DMXL1: variants seen among roughly 807,000 people sequenced by gnomAD.
DMXL1 encodes the protein dmX-like protein 1.
DMXL1 carries 99 observed loss-of-function variants against 319.2 expected under a neutral mutation model. The ratio of observed to expected loss-of-function variants is 0.31; its 90% CI spans 0.26 to 0.37. The LOEUF (loss-of-function observed/expected upper bound fraction) is 0.37, where lower values mean the gene tolerates loss of function less well. DMXL1 is among the 10% of genes least tolerant of loss of function. The pLI is 1.00. For synonymous variants in DMXL1, 1,385 were observed against 1,235.2 expected (o/e 1.12, Z -2.54); for missense variants, 3,745 against 3,595.6 (o/e 1.04, Z -1.06).
At position 119,129,377 on chromosome 5, in the gene DMXL1, G is replaced by A. The variant is rs1764303280; in HGVS notation, c.1269G>A (p.Glu423=). ...AAAGTTTTGAACAACCATCTTCTGA[G>A]GCCAGTGTAGAAGATTCTAATCAGG... is the stretch of plus-strand genomic sequence containing the variant. ...LRKSFEQPSS[E]ASVEDSNQAD... Residue 423 remains glutamate, a synonymous_variant, in exon 10 of 44, where the codon GAG becomes GAA. Coordinates refer to ENST00000539542, the MANE Select transcript of DMXL1 (RefSeq NM_001290321.3). The A allele has an allele frequency of 3.1e-6, 5 of 1,613,506 alleles. No individual in the cohort carries two copies. The highest frequency in any genetic ancestry group is 1.3e-5 in the African/African-American group (1 of 74,864).
chr5:119,197,656 T>C (rs918391230), intron 31 of DMXL1, 99 bp from the exon 32 acceptor site: 6 of 1,053,310 alleles, frequency 5.7e-6, no homozygotes, highest in Non-Finnish European at 8.4e-6. Context: ...TTTTTTTTTT[T>C]CCTGCATCTG....
At chr5:119,115,020 CTG>C (rs1341734984) in intron 6 of DMXL1, among the ~76,000 whole-genome samples, 1 of 152,142 alleles carries the variant, frequency 6.6e-6, no homozygotes, top group Non-Finnish European at 1.5e-5. Context: ...TGTTAAAAGA[CTG>C]TGTGATATAA....
chr5:119,152,701 A>C (rs1046178716), intron 19 of DMXL1, among the ~76,000 whole-genome samples: 1 of 152,200 alleles, frequency 6.6e-6, no homozygotes, highest in African/African-American at 2.4e-5. Context: ...GAGAAATCTC[A>C]CTTAAGTTCA....
intron 13 of DMXL1, 69 bp downstream of exon 13, chr5:119,134,458 G>C: frequency 7.6e-7 from 1 of 1,321,692 alleles, no homozygotes; most frequent in Non-Finnish European, 1.0e-6. Context: ...TATTTATTGG[G>C]CATGTTCTAC....
At position 119,133,770 on chromosome 5, in the gene DMXL1, G is replaced by T. The variant is rs79689806; in HGVS notation, c.1846G>T (p.Ala616Ser). Residue 616 changes from alanine to serine, a missense_variant, in exon 12 of 44, where the codon GCC (alanine) becomes TCC (serine). Around this residue, in one of 4 missense-constraint regions of DMXL1, gnomAD observed 2,096 missense variants for 1,985.4 expected, o/e 1.06. Coordinates refer to ENST00000539542, the MANE Select transcript of DMXL1 (RefSeq NM_001290321.3). ...TCTGAATCAGTGGCTGGTCAGTTTT[G>T]CCGAGGAATCTGCTTTTTCTACTGT... Reference protein sequence around the residue: ...GSLNQWLVSFAEESAFSTVLS... With the variant: ...GSLNQWLVSFSEESAFSTVLS... 10 of 1,614,124 alleles carry T rather than the reference G, an allele frequency of 6.2e-6. No homozygotes were observed. The highest frequency in any genetic ancestry group is 6.8e-6 in the Non-Finnish European group (8 of 1,180,034).
chr5:119,103,096 T>TTA (rs944907814), intron 3 of DMXL1, among the ~76,000 whole-genome samples: 2 of 149,376 alleles, frequency 1.3e-5, no homozygotes. Flanking sequence ...TTTTTTTTTT[T>TTA]AAAAAAAAAG....
chr5:119,113,309 T>C (rs547355975), intron 5 of DMXL1, among the ~76,000 whole-genome samples: 1 of 152,280 alleles, frequency 6.6e-6, no homozygotes, highest in South Asian at 2.1e-4. Context: ...TGGCGTGATC[T>C]TGGCTCACTG....
At chr5:119,123,997 T>A (rs2149982793) in intron 9 of DMXL1, among the ~76,000 whole-genome samples, 1 of 151,380 alleles carries the variant, frequency 6.6e-6, no homozygotes, top group South Asian at 2.1e-4. Context: ...TGTACTCAAT[T>A]TAACATTCAT....
intron 25 of DMXL1, among the ~76,000 whole-genome samples, chr5:119,174,530 T>C (rs190008704): frequency 4.5e-4 from 68 of 152,372 alleles, no homozygotes; most frequent in Admixed American, 8.5e-4. Flanking sequence ...AAGGAAAAAT[T>C]AGCAATTAGA....
chr5:119,116,217 T>C lies in DMXL1; in HGVS notation c.624T>C (p.Ser208=), dbSNP rs773690792. The C allele has an allele frequency of 2.5e-6, 4 of 1,613,978 alleles. No homozygotes were observed. In the East Asian group the frequency reaches 6.7e-5, roughly 27 times the overall value. ...AAAACTGGCGGACAGCTGTTACTTC[T>C]CCAGATGGAAGTTCAGAAAAACAAT... The part of the protein sequence containing the change: ...NVENWRTAVT[S]PDGSSEKQSQ... Residue 208 remains serine (S), a synonymous_variant, in exon 7 of 44, where the codon TCT becomes TCC. Coordinates refer to ENST00000539542, the MANE Select transcript of DMXL1 (RefSeq NM_001290321.3).
At chr5:119,241,258 G>T (rs1016502876) in intron 42 of DMXL1, among the ~76,000 whole-genome samples, 1 of 152,104 alleles carries the variant, frequency 6.6e-6, no homozygotes, top group African/African-American at 2.4e-5. Context: ...GAGGCCGGGC[G>T]CAGTGGCTCA....
intron 13 of DMXL1, among the ~76,000 whole-genome samples, chr5:119,135,627 A>T (rs1222633917): frequency 6.6e-6 from 1 of 152,074 alleles, no homozygotes; most frequent in Non-Finnish European, 1.5e-5. Flanking sequence ...TCATGGGGGC[A>T]GTTCTCCCAT....
At chr5:119,154,512 C>T (rs1410449769) in intron 19 of DMXL1, 2 of 155,650 alleles carry the variant, frequency 1.3e-5, no homozygotes, top group African/African-American at 2.4e-5. Flanking sequence ...GGCTGTAACT[C>T]GTCTTAATTT....
At chr5:119,076,721 G>T (rs182997595) in intron 1 of DMXL1, among the ~76,000 whole-genome samples, 1 of 152,258 alleles carries the variant, frequency 6.6e-6, no homozygotes, top group Non-Finnish European at 1.5e-5. Flanking sequence ...TTCTTTGGGG[G>T]TGTTTACCTG....
chr5:119,230,319 A>G (rs904840601), intron 38 of DMXL1, among the ~76,000 whole-genome samples: 2 of 152,226 alleles, frequency 1.3e-5, no homozygotes, highest in African/African-American at 2.4e-5. Context: ...ATTATCCCAC[A>G]TCAGATGAAC....
At chr5:119,141,628 C>G (rs1364112451) in intron 13 of DMXL1, among the ~76,000 whole-genome samples, 1 of 152,054 alleles carries the variant, frequency 6.6e-6, no homozygotes, top group African/African-American at 2.4e-5. Flanking sequence ...GGAAAAACAT[C>G]CTATGTTGAT....
intron 1 of DMXL1, among the ~76,000 whole-genome samples, chr5:119,091,793 G>T (rs1754854322): frequency 6.6e-6 from 1 of 152,114 alleles, no homozygotes; most frequent in South Asian, 2.1e-4. Context: ...AAACCTGTGG[G>T]ACAAACCTCC....
intron 35 of DMXL1, among the ~76,000 whole-genome samples, chr5:119,218,617 C>T (rs1336873886): frequency 6.6e-6 from 1 of 151,980 alleles, no homozygotes; most frequent in Non-Finnish European, 1.5e-5. Context: ...CCACTACACC[C>T]AGCTAATTTT....
At chr5:119,180,959 A>G (rs2150327719) in intron 28 of DMXL1, among the ~76,000 whole-genome samples, 1 of 152,348 alleles carries the variant, frequency 6.6e-6, no homozygotes, top group South Asian at 2.1e-4. Context: ...AATGAAAAAT[A>G]CATTCTTACT....
Sources: allele counts gnomAD v4.1 joint callset (sites outside exome capture counted in the v4.1 genomes callset), GRCh38; gene constraint gnomAD v4.1.1; regional missense constraint gnomAD v4.1.1; transcripts MANE v1.5; gene names NCBI Gene and HGNC (gene_info 2026-07-23, HGNC 2026-07-21).